The following SPATS2L variants were observed in gnomAD, a reference collection of about 807,000 sequenced individuals.
SPATS2L encodes the protein SPATS2-like protein.
SPATS2L carries 30 observed loss-of-function variants against 59.6 expected under a neutral mutation model. The ratio of observed to expected loss-of-function variants is 0.50; its 90% CI spans 0.38 to 0.68. SPATS2L has a LOEUF of 0.68. Ranked by LOEUF, SPATS2L falls within the 30% of genes least tolerant of loss-of-function variation. The probability of loss-of-function intolerance (pLI) is 0.00; values close to 1 mark genes in which losing one functional copy is unlikely to be tolerated. For synonymous variants in SPATS2L, 252 were observed against 263.5 expected (o/e 0.96, Z 0.42); for missense variants, 615 against 700.0 (o/e 0.88, Z 1.37).
At chr2:200,324,699 A>G (rs553913046) in intron 1 of SPATS2L, among the ~76,000 whole-genome samples, 4 of 152,326 alleles carry the variant, frequency 2.6e-5, no homozygotes, top group Non-Finnish European at 5.9e-5. Flanking sequence ...TGTACTTTCT[A>G]TACAATAAAT....
intron 8 of SPATS2L, among the ~76,000 whole-genome samples, chr2:200,447,117 T>C (rs535673633): frequency 2.0e-5 from 3 of 152,362 alleles, no homozygotes; most frequent in Admixed American, 2.0e-4. Flanking sequence ...TTTCTCATTT[T>C]GCAATAAAAC....
At chr2:200,463,711 T>TA (rs1267645309) in intron 9 of SPATS2L, among the ~76,000 whole-genome samples, 7 of 152,198 alleles carry the variant, frequency 4.6e-5, no homozygotes. Flanking sequence ...TCACTAGAGA[T>TA]ACGGGAAGAA....
upstream of SPATS2L, chr2:200,306,355 G>C (rs1282931924): frequency 1.0e-6 from 1 of 1,002,236 alleles, no homozygotes; most frequent in African/African-American, 1.7e-5. Context: ...ATTAACAAGG[G>C]GAGTTTCGGT....
chr2:200,393,021 C>T (rs1258124638), intron 3 of SPATS2L: 4 of 335,736 alleles, frequency 1.2e-5, no homozygotes, highest in South Asian at 4.8e-5. Context: ...AGCAAGATGT[C>T]CCTTTTATGT....
intron 6 of SPATS2L, among the ~76,000 whole-genome samples, chr2:200,420,024 T>C (rs2118407): frequency 0.12 from 17,699 of 152,208 alleles, 1,086 homozygotes; most frequent in African/African-American, 0.13. Flanking sequence ...CAGACCAAAT[T>C]ATTTTAACTG....
rs184127823 is a variant in SPATS2L at position 200,443,015 on chromosome 2, A to C, written c.788+2231A>C. Among the ~76,000 whole-genome samples, 483 of 152,348 alleles carry C rather than the reference A, an allele frequency of 3.2e-3. 2 individuals are homozygous for C. Among genetic ancestry groups the C allele is most frequent in the African/African-American group, 0.011 (446 of 41,588 alleles). ...ACCATTTTGGTATGCCATTGCTATA[A>C]AATGAGTAAACAGCACCACTTATTT... On this transcript the variant is annotated intron_variant, in intron 8 of 12. Transcript: ENST00000409140.
chr2:200,434,807 A>T (rs2106079736), intron 6 of SPATS2L, among the ~76,000 whole-genome samples: 1 of 152,264 alleles, frequency 6.6e-6, no homozygotes, highest in South Asian at 2.1e-4. Context: ...AAGTCCAATG[A>T]AAATCTCATC....
At chr2:200,444,468 T>A (rs535514176) in intron 8 of SPATS2L, among the ~76,000 whole-genome samples, 2 of 152,186 alleles carry the variant, frequency 1.3e-5, no homozygotes, top group East Asian at 3.9e-4. Context: ...TGGAAGACGG[T>A]AATGAGCCAA....
chr2:200,334,625 C>T (rs1269812707), intron 2 of SPATS2L, among the ~76,000 whole-genome samples: 3 of 151,768 alleles, frequency 2.0e-5, no homozygotes, highest in Non-Finnish European at 2.9e-5. Flanking sequence ...AGGTTTTCTT[C>T]TAGGGTTTTT....
At chr2:200,429,489 A>G (rs576000613) in intron 6 of SPATS2L, among the ~76,000 whole-genome samples, 12 of 152,294 alleles carry the variant, frequency 7.9e-5, no homozygotes, top group Admixed American at 5.9e-4. Flanking sequence ...AAACTTGTCA[A>G]AGGGCACAGA....
Position 200,383,911 on chromosome 2 carries a change from A to G in SPATS2L, c.-22-5312A>G, listed in dbSNP as rs933951537. Reference sequence around the variant, plus strand: ...TACCCAAGAACAGGAAAGTAAACCTAAGAGCATTAATGGGTTTCAGAGAAA... The same window carrying G: ...TACCCAAGAACAGGAAAGTAAACCTGAGAGCATTAATGGGTTTCAGAGAAA... On this transcript the variant is annotated intron_variant, in intron 2 of 12. Coordinates refer to ENST00000409140, the MANE Select transcript of SPATS2L (RefSeq NM_001100423.2). 5.0e-6 allele frequency: 5 copies of G among 1,001,674 alleles called. No individual in the cohort carries two copies. In the African/African-American group the frequency reaches 8.7e-5, roughly 17 times the overall value. 62.0% of individuals were successfully genotyped at this position (1,001,674 alleles called of 1,614,324 possible). A position where few individuals can be genotyped will look rare whatever the true frequency, so the allele number is the denominator to read the frequency against.
At chr2:200,459,707 A>G (rs1302550418) in intron 8 of SPATS2L, 62 bp from the exon 9 acceptor site, 2 of 1,286,068 alleles carry the variant, frequency 1.6e-6, no homozygotes, top group Non-Finnish European at 2.2e-6. Context: ...TTCAGTGCTT[A>G]TTAAAAGTTT....
Position 200,416,417 on chromosome 2 carries a change from G to A in SPATS2L, c.187G>A (p.Gly63Arg), listed in dbSNP as rs1386191289. ...IQVLKEWNMT[G>R]KKKNNKRKRS... ...AGTTCTAAAAGAATGGAATATGACA[G>A]GAAAAAAGAAGGTAAGATTAATATT... Residue 63 changes from glycine to arginine, a missense_variant, in exon 5 of 13, where the codon GGA (glycine) becomes AGA (arginine). This residue lies in a region of SPATS2L where 227 missense variants were observed against 257.4 expected (regional missense o/e 0.88). Transcript: ENST00000409140. 1.4e-6 allele frequency: 2 copies of A among 1,478,772 alleles called. No homozygotes were observed. Among genetic ancestry groups the A allele is most frequent in the Admixed American group, 2.1e-5 (1 of 47,486 alleles). 91.6% of individuals were successfully genotyped at this position (1,478,772 alleles called of 1,614,324 possible). A position where few individuals can be genotyped will look rare whatever the true frequency, so the allele number is the denominator to read the frequency against.
In SPATS2L at chr2:200,473,891, TC is replaced by T. The variant is rs1237500245; in HGVS notation, c.1281+840del. Reference sequence around the variant, plus strand: ...GGCGGGTGCCTGTAATCCCAGTTACTCGGGAGGCTGAGGCAGGAGAATTGCT... The same window carrying T: ...GGCGGGTGCCTGTAATCCCAGTTACTGGGAGGCTGAGGCAGGAGAATTGCT... On this transcript the variant is annotated intron_variant, in intron 12 of 12. Transcript: ENST00000409140. Among the ~76,000 whole-genome samples the T allele has an allele frequency of 1.0e-4, 9 of 86,764 alleles. No homozygotes were observed. In the East Asian group the frequency reaches 3.3e-3, roughly 32 times the overall value. The allele number at this position is 86,764 out of a possible 152,430, so 56.9% of individuals were successfully genotyped here.
intron 1 of SPATS2L, among the ~76,000 whole-genome samples, chr2:200,327,173 G>C (rs2079778095): frequency 6.6e-6 from 1 of 151,956 alleles, no homozygotes; most frequent in Non-Finnish European, 1.5e-5. Context: ...GGAGGCCGAG[G>C]AGGGCAGATC....
At chr2:200,470,420 T>C (rs528763787) in intron 11 of SPATS2L, among the ~76,000 whole-genome samples, 11 of 152,348 alleles carry the variant, frequency 7.2e-5, no homozygotes, top group Admixed American at 5.2e-4. Context: ...CCAGCTGTTA[T>C]GCGAGCCCCT....
At chr2:200,458,731 G>C (rs2086029241) in intron 8 of SPATS2L, among the ~76,000 whole-genome samples, 1 of 113,262 alleles carries the variant, frequency 8.8e-6, no homozygotes, top group Non-Finnish European at 2.1e-5. Flanking sequence ...TTAACACACT[G>C]TTAAAAAAAA....
At chr2:200,341,977 C>T (rs188167884) in intron 2 of SPATS2L, among the ~76,000 whole-genome samples, 5 of 152,222 alleles carry the variant, frequency 3.3e-5, no homozygotes, top group Admixed American at 6.5e-5. Flanking sequence ...CGTGAGCCAC[C>T]GCGCCCGGCC....
chr2:200,381,388 C>G (rs1207171745), intron 2 of SPATS2L, among the ~76,000 whole-genome samples: 3 of 152,172 alleles, frequency 2.0e-5, no homozygotes, highest in Non-Finnish European at 4.4e-5. Context: ...TTCATTTCCT[C>G]CAACCTGGAG....
Sources: gnomAD v4.1 joint callset for allele counts (sites outside exome capture counted in the v4.1 genomes callset) on GRCh38, gnomAD v4.1.1 for gene constraint, gnomAD v4.1.1 regional missense constraint, MANE v1.5 for transcripts, NCBI Gene and HGNC (gene_info 2026-07-23, HGNC 2026-07-21) for gene names.